Variants in MYO9B observed in about 807,000 individuals in gnomAD.
MYO9B encodes myosin IXB, also known as unconventional myosin-IXb.
In MYO9B, 71 loss-of-function variants were observed where a neutral mutation model predicts 229.5. The ratio of observed to expected loss-of-function variants is 0.31; its 90% CI spans 0.26 to 0.38. MYO9B has a LOEUF of 0.38. Among genes scored for constraint, MYO9B ranks in the 10% least tolerant of loss-of-function variants. The pLI is 1.00. For missense variants in MYO9B, 2,255 were observed against 2,920.5 expected (o/e 0.77, Z 5.25); for synonymous variants, 1,185 against 1,235.8 (o/e 0.96, Z 0.86).
chr19:17,120,549 C>T (rs1031634825), intron 2 of MYO9B, among the ~76,000 whole-genome samples: 1 of 145,750 alleles, frequency 6.9e-6, no homozygotes. Context: ...GCAGGAGGAT[C>T]GTTTGAGCCT....
In MYO9B at chr19:17,102,195, G is replaced by A; in HGVS notation, c.478G>A (p.Gly160Ser). The change falls in exon 2 of 40, where the codon GGC (glycine) becomes AGC (serine). Residue 160 changes from glycine to serine, a missense_variant. This residue lies in a region of MYO9B where 386 missense variants were observed against 515.2 expected (regional missense o/e 0.75). Coordinates refer to ENST00000682292, the MANE Select transcript of MYO9B (RefSeq NM_004145.4). ...DLCNLPELTEGNLLKNLKHRF... is the reference protein window; with the variant it reads ...DLCNLPELTESNLLKNLKHRF... ...GTGTAACCTCCCCGAGCTAACCGAGGGCAACCTCCTGAAGAACCTCAAGCA... is the reference window on the plus strand; with the variant it reads ...GTGTAACCTCCCCGAGCTAACCGAGAGCAACCTCCTGAAGAACCTCAAGCA... 1 of 1,613,898 alleles carries A rather than the reference G, an allele frequency of 6.2e-7. No individual in the cohort carries two copies. Among genetic ancestry groups the A allele is most frequent in the Non-Finnish European group, 8.5e-7 (1 of 1,179,886 alleles).
At chr19:17,126,307 C>T (rs909447163) in intron 2 of MYO9B, among the ~76,000 whole-genome samples, 11 of 152,204 alleles carry the variant, frequency 7.2e-5, no homozygotes, top group Non-Finnish European at 1.5e-4. Context: ...GCCTGCTCCT[C>T]CACGTCCCCA....
rs767462779 is a variant in MYO9B at position 17,185,937 on chromosome 19, T to C, written c.2513T>C (p.Leu838Pro). The change falls in exon 18 of 40, where the codon CTC becomes CCC. Residue 838 changes from leucine to proline, a missense_variant. Physicochemically the swap from Leu to Pro is moderately conservative, Grantham distance 98. This residue lies in a region of MYO9B where 68 missense variants were observed against 133.5 expected (regional missense o/e 0.51). Coordinates refer to ENST00000682292, the MANE Select transcript of MYO9B (RefSeq NM_004145.4). ...CCTTAACAGACATCCCTTAACAAGCTCTTGGAGGCACTGGGGAAGGCGGAG... is the reference window on the plus strand; with the variant it reads ...CCTTAACAGACATCCCTTAACAAGCCCTTGGAGGCACTGGGGAAGGCGGAG... The part of the protein sequence containing the change: ...SAQFQTSLNK[L>P]LEALGKAEPF... The C allele has an allele frequency of 1.2e-6, 2 of 1,613,780 alleles. No individual in the cohort carries two copies. Among genetic ancestry groups the C allele is most frequent in the Non-Finnish European group, 8.5e-7 (1 of 1,179,808 alleles).
At chr19:17,171,175 G>A (rs997744929) in intron 11 of MYO9B, among the ~76,000 whole-genome samples, 14 of 152,122 alleles carry the variant, frequency 9.2e-5, no homozygotes, top group Non-Finnish European at 7.3e-5. Context: ...CCCCGTTAAC[G>A]CGGAGCCCCC....
intron 2 of MYO9B, among the ~76,000 whole-genome samples, chr19:17,118,939 C>G (rs914456527): frequency 1.3e-5 from 2 of 152,144 alleles, no homozygotes; most frequent in African/African-American, 4.8e-5. Flanking sequence ...TCAGTGCAGG[C>G]CGGCCTGAGG....
In MYO9B at chr19:17,192,763, G is replaced by T; in HGVS notation, c.2829G>T (p.Thr943=). The change falls in exon 21 of 40, where the codon ACG becomes ACT. Residue 943 remains threonine, a synonymous_variant. Coordinates refer to ENST00000682292, the MANE Select transcript of MYO9B (RefSeq NM_004145.4). ...IGKTKVFLKE[T]ERQALQETLH... ...CCCACCAGGTCTTCCTGAAGGAGAC[G>T]GAGCGGCAAGCCCTGCAGGAGACGC... is the stretch of plus-strand genomic sequence containing the variant. 6.5e-7 allele frequency: 1 copy of T among 1,548,948 alleles called. No homozygotes were observed. Among genetic ancestry groups the T allele is most frequent in the Non-Finnish European group, 8.7e-7 (1 of 1,145,600 alleles).
chr19:17,209,586 G>C lies in MYO9B; in HGVS notation c.5625G>C (p.Thr1875=). The change falls in exon 36 of 40, where the codon ACG becomes ACC. Residue 1875 remains threonine (T), a splice_region_variant and synonymous_variant. Coordinates refer to ENST00000682292, the MANE Select transcript of MYO9B (RefSeq NM_004145.4). ...TSMKDVLKIT[T]CVEMLIKEQM... is the part of the protein sequence containing the mutation. ...TTCCTCCCGTGGGCCTTCTCTGTAG[G>C]TGCGTGGAGATGCTGATCAAGGAGC... The C allele has an allele frequency of 3.8e-6, 6 of 1,588,350 alleles. No individual in the cohort carries two copies. The highest frequency in any genetic ancestry group is 5.1e-6 in the Non-Finnish European group (6 of 1,167,614).
intron 2 of MYO9B, among the ~76,000 whole-genome samples, chr19:17,139,747 A>G (rs560691385): frequency 1.3e-5 from 2 of 152,174 alleles, no homozygotes; most frequent in South Asian, 4.1e-4. Flanking sequence ...TCAAAAAAAC[A>G]TTGGATGAAT....
chr19:17,203,092 C>A, intron 29 of MYO9B, 55 bp from the exon 30 acceptor site: 1 of 1,465,762 alleles, frequency 6.8e-7, no homozygotes, highest in Non-Finnish European at 9.3e-7. Flanking sequence ...CCACCAGTGG[C>A]TGGGGAGGGC....
At chr19:17,206,813 G>T in intron 34 of MYO9B, 29 bp downstream of exon 34, 1 of 1,531,162 alleles carries the variant, frequency 6.5e-7, no homozygotes. Flanking sequence ...GCCCTCTGTG[G>T]GGTTAGGGTC....
In MYO9B at chr19:17,145,394, C is replaced by T. The variant is rs776118334; in HGVS notation, c.841-3C>T. On this transcript the variant is annotated splice_region_variant and splice_polypyrimidine_tract_variant and intron_variant, in intron 2 of 39. Transcript: ENST00000682292. ...CTGAAACCTGCTTTTGATTTCCTTG[C>T]AGGCTTTTGGAAATGCCAAGACAGC... 1.2e-6 allele frequency: 2 copies of T among 1,613,700 alleles called. No homozygotes were observed. The highest frequency in any genetic ancestry group is 1.7e-5 in the Admixed American group (1 of 59,994).
chr19:17,118,444 T>A (rs530407247), intron 2 of MYO9B, among the ~76,000 whole-genome samples: 4 of 152,082 alleles, frequency 2.6e-5, no homozygotes, highest in South Asian at 4.1e-4. Context: ...CTATATTTTT[T>A]AAAATTTTTT....
intron 11 of MYO9B, among the ~76,000 whole-genome samples, chr19:17,169,406 C>CA (rs1390940497): frequency 6.9e-6 from 1 of 145,664 alleles, no homozygotes; most frequent in South Asian, 2.2e-4. Flanking sequence ...TCCATCTCTA[C>CA]AAAAAAATTT....
intron 2 of MYO9B, among the ~76,000 whole-genome samples, chr19:17,107,206 C>T (rs1374402253): frequency 6.6e-6 from 1 of 152,112 alleles, no homozygotes; most frequent in Non-Finnish European, 1.5e-5. Context: ...TGCACTCCAG[C>T]CTGGGTGACA....
chr19:17,147,359 G>A (rs374830186), intron 3 of MYO9B, among the ~76,000 whole-genome samples: 4 of 152,044 alleles, frequency 2.6e-5, no homozygotes, highest in Admixed American at 1.3e-4. Flanking sequence ...CCTGTCCAAC[G>A]TGGTGAAACC....
chr19:17,126,679 T>G (rs1353690984), intron 2 of MYO9B, among the ~76,000 whole-genome samples: 1 of 151,470 alleles, frequency 6.6e-6, no homozygotes, highest in Non-Finnish European at 1.5e-5. Context: ...TTTTTTTTTT[T>G]TTTGAGACGG....
At chr19:17,196,159 T>TGGGG (rs2073040685) in intron 22 of MYO9B, among the ~76,000 whole-genome samples, 7 of 11,018 alleles carry the variant, frequency 6.4e-4, no homozygotes, top group Admixed American at 2.1e-3. Context: ...GGTGGGTGGG[T>TGGGG]GGGTGGATGG....
At chr19:17,150,889 C>G (rs1256660703) in intron 3 of MYO9B, among the ~76,000 whole-genome samples, 1 of 141,576 alleles carries the variant, frequency 7.1e-6, no homozygotes, top group Non-Finnish European at 1.6e-5. Flanking sequence ...TGTGCTGGTA[C>G]CCTCAGACTC....
At chr19:17,091,561 G>A (rs1395033402) in intron 1 of MYO9B, among the ~76,000 whole-genome samples, 1 of 152,162 alleles carries the variant, frequency 6.6e-6, no homozygotes, top group African/African-American at 2.4e-5. Context: ...ACAAAAATTA[G>A]CTGGGTATGG....
Sources: gnomAD v4.1 joint callset for allele counts (sites outside exome capture counted in the v4.1 genomes callset) on GRCh38, gnomAD v4.1.1 for gene constraint, gnomAD v4.1.1 regional missense constraint, MANE v1.5 for transcripts, NCBI Gene and HGNC (gene_info 2026-07-23, HGNC 2026-07-21) for gene names.